The following NHSL2 variants were observed in gnomAD, a reference collection of about 807,000 sequenced individuals.
NHSL2 encodes the protein NHS like 2, also known as NHS-like protein 2.
NHSL2 carries 27 observed loss-of-function variants against 53.4 expected under a neutral mutation model. The ratio of observed to expected loss-of-function variants is 0.51; its 90% CI spans 0.37 to 0.70. NHSL2 has a LOEUF of 0.70. Ranked by LOEUF, NHSL2 falls within the 30% of genes least tolerant of loss-of-function variation. The probability of loss-of-function intolerance (pLI) is 0.00; values close to 1 mark genes in which losing one functional copy is unlikely to be tolerated. For missense variants in NHSL2, 892 were observed against 980.1 expected (o/e 0.91, Z 1.20); for synonymous variants, 408 against 404.1 (o/e 1.01, Z -0.12).
rs5991871 is a variant in NHSL2, at chrX:71,920,314, A to G, written c.280+8947A>G. On this transcript the variant is annotated intron_variant, in intron 1 of 7. Transcript: ENST00000633930. ...CTCTGACTGCCAATCTAAAGCACCTAGAGAGTTTTTTTAAATTGTTAATGT... is the reference window on the plus strand; with the variant it reads ...CTCTGACTGCCAATCTAAAGCACCTGGAGAGTTTTTTTAAATTGTTAATGT... 3.1e-3 allele frequency among the ~76,000 whole-genome samples: 347 copies of G among 112,134 alleles called. 2 individuals carry two copies. The highest frequency in any genetic ancestry group is 4.6e-3 in the Middle Eastern group (1 of 218).
intron 1 of NHSL2, among the ~76,000 whole-genome samples, chrX:72,105,604 A>G (rs1304337885): frequency 9.0e-6 from 1 of 110,911 alleles, no homozygotes; most frequent in East Asian, 2.8e-4. Context: ...ATCAGCCACC[A>G]TGGAAACAGT....
intron 1 of NHSL2, among the ~76,000 whole-genome samples, chrX:71,940,164 C>T (rs943815257): frequency 5.4e-5 from 6 of 112,034 alleles, no homozygotes; most frequent in African/African-American, 1.6e-4. Flanking sequence ...GGAGAGAACA[C>T]AGCATCATAG....
Position 71,923,588 on chromosome X carries a change from T to C in NHSL2, c.280+12221T>C, listed in dbSNP as rs1341452707. 9.8e-5 allele frequency among the ~76,000 whole-genome samples: 11 copies of C among 112,079 alleles called. No homozygotes were observed. In the Admixed American group the frequency reaches 1.0e-3, roughly 11 times the overall value. On this transcript the variant is annotated intron_variant, in intron 1 of 7. Transcript: ENST00000633930. ...GTCAGTGATATACCCTGTTCTTGGA[T>C]AATTTATAGGACAGCCCCTCTAAAT...
intron 1 of NHSL2, among the ~76,000 whole-genome samples, chrX:72,035,582 A>G (rs1271852713): frequency 9.0e-6 from 1 of 111,198 alleles, no homozygotes; most frequent in Non-Finnish European, 1.9e-5. Flanking sequence ...TGAAGTGCAG[A>G]AACTTTATCT....
Position 71,964,039 on chromosome X carries a change from A to G in NHSL2, c.280+52672A>G, listed in dbSNP as rs1413383193. Among the ~76,000 whole-genome samples, 32 of 37,422 alleles carry G rather than the reference A, an allele frequency of 8.6e-4. 1 individual carries two copies. The highest frequency in any genetic ancestry group is 2.2e-3 in the South Asian group (2 of 890). The allele number at this position is 37,422 out of a possible 115,157, so 32.5% of individuals were successfully genotyped here. On this transcript the variant is annotated intron_variant, in intron 1 of 7. Coordinates refer to ENST00000633930, the MANE Select transcript of NHSL2 (RefSeq NM_001013627.3). ...TATATATATATGTGTATATATATAT[A>G]TATGTATATATATATATGTGTATAT...
At chrX:72,069,517 A>G in intron 1 of NHSL2, 1 of 315,403 alleles carries the variant, frequency 3.2e-6, no homozygotes, top group East Asian at 4.8e-5. Context: ...CCAGGGGCAC[A>G]AGTGGGATTT....
chrX:72,085,812 GCTCCCTA>G (rs1187032160), intron 1 of NHSL2, among the ~76,000 whole-genome samples: 1 of 106,741 alleles, frequency 9.4e-6, no homozygotes, highest in Non-Finnish European at 1.9e-5. Context: ...CAGTGCAGCT[GCTCCCTA>G]CTCCCTCCCT....
At chrX:71,995,435 A>T (rs1296138819) in intron 1 of NHSL2, among the ~76,000 whole-genome samples, 28 of 26,485 alleles carry the variant, frequency 1.1e-3, no homozygotes, top group African/African-American at 1.3e-3. Context: ...TGCATACTCT[A>T]TCTGACCCCC....
Position 71,978,756 on chromosome X carries a change from GTTT to G in NHSL2, c.280+67404_280+67406del, listed in dbSNP as rs56017757. ...CATTTTACTACAGAAACTTGTCAAG[GTTT>G]TTTTTTTTTTTTTTAATTATACTGT... is the stretch of plus-strand genomic sequence containing the variant. On this transcript the variant is annotated intron_variant, in intron 1 of 7. Coordinates refer to ENST00000633930, the MANE Select transcript of NHSL2 (RefSeq NM_001013627.3). 1.7e-4 allele frequency among the ~76,000 whole-genome samples: 14 copies of G among 83,617 alleles called. No individual in the cohort carries two copies. The South Asian group carries it at 6.6e-3, about 40-fold the overall frequency. 72.6% of individuals were successfully genotyped at this position (83,617 alleles called of 115,157 possible). A position where few individuals can be genotyped will look rare whatever the true frequency, so the allele number is the denominator to read the frequency against.
intron 1 of NHSL2, among the ~76,000 whole-genome samples, chrX:72,097,302 G>T (rs769494401): frequency 1.8e-5 from 2 of 111,834 alleles, no homozygotes; most frequent in East Asian, 2.8e-4. Flanking sequence ...ATGCTTTACA[G>T]CTTCCAGGGG....
rs940838002 is a variant in NHSL2, at chrX:72,150,605, G to A, written c.*7031G>A. ...AATTCCCTAATCAGTACTAAGCTCC[G>A]CATGCAGTCTCTTTTCCAGAACATT... On this transcript the variant is annotated 3_prime_UTR_variant, in exon 8 of 8. Transcript: ENST00000633930. 1 of 112,106 alleles carries A rather than the reference G, an allele frequency of 8.9e-6. No individual in the cohort carries two copies. Among genetic ancestry groups the A allele is most frequent in the African/African-American group, 3.2e-5 (1 of 30,857 alleles). 9.2% of individuals were successfully genotyped at this position (112,106 alleles called of 1,213,427 possible).
intron 1 of NHSL2, chrX:71,965,911 A>G (rs1422928002): frequency 8.9e-6 from 1 of 112,723 alleles, no homozygotes; most frequent in Non-Finnish European, 1.9e-5. Flanking sequence ...GATGTATGAC[A>G]TACAAAAAGC....
chrX:72,149,140 A>G lies in NHSL2; in HGVS notation c.*5566A>G, dbSNP rs1225380947. ...AAGAACTTATCATATTGGATCAACA[A>G]ATTGCTCAACCTGCAAAATCTTTGA... On this transcript the variant is annotated 3_prime_UTR_variant, in exon 8 of 8. Transcript: ENST00000633930. The G allele has an allele frequency of 9.1e-6, 1 of 110,270 alleles. No individual in the cohort carries two copies. The highest frequency in any genetic ancestry group is 1.9e-5 in the Non-Finnish European group (1 of 52,815). 9.1% of individuals were successfully genotyped at this position (110,270 alleles called of 1,213,427 possible). A position where few individuals can be genotyped will look rare whatever the true frequency, so the allele number is the denominator to read the frequency against.
Position 72,146,012 on chromosome X carries a change from C to A in NHSL2, c.*2438C>A, listed in dbSNP as rs141322080. 6.1e-3 allele frequency: 683 copies of A among 112,543 alleles called. 2 individuals carry two copies. The highest frequency in any genetic ancestry group is 0.021 in the African/African-American group (637 of 31,044). 9.3% of individuals were successfully genotyped at this position (112,543 alleles called of 1,213,427 possible). On this transcript the variant is annotated 3_prime_UTR_variant, in exon 8 of 8. Transcript: ENST00000633930. ...CCCATTAGCACAAGAGGATTTGGGG[C>A]AGAAATCATATGGTCAGAGAGAACA...
chrX:71,981,931 C>T (rs2041981266), intron 1 of NHSL2, among the ~76,000 whole-genome samples: 1 of 112,026 alleles, frequency 8.9e-6, no homozygotes, highest in Non-Finnish European at 1.9e-5. Flanking sequence ...AAAGGTTAAA[C>T]ATATGACCCA....
At chrX:72,140,901 G>A (rs1569484550) in intron 6 of NHSL2, 130 bp downstream of exon 6, 1 of 557,917 alleles carries the variant, frequency 1.8e-6, no homozygotes, top group East Asian at 3.7e-5. Context: ...GGCACCCTTT[G>A]AGGGTTTGAG....
At chrX:72,058,879 A>C (rs2042384113) in intron 1 of NHSL2, among the ~76,000 whole-genome samples, 1 of 112,194 alleles carries the variant, frequency 8.9e-6, no homozygotes, top group Admixed American at 9.4e-5. Flanking sequence ...CTGCACAGGA[A>C]GGCTGCCATT....
At position 72,138,857 on chromosome X, in the gene NHSL2, G is replaced by A; in HGVS notation, c.1309G>A (p.Glu437Lys). The A allele has an allele frequency of 1.7e-6, 2 of 1,210,625 alleles. No homozygotes were observed. The highest frequency in any genetic ancestry group is 3.5e-5 in the South Asian group (2 of 56,819). ...LNKVPPLVPK[E>K]AATLLVARDN... ...CAAAGTCCCACCTCTGGTTCCTAAGGAGGCTGCTACCCTCCTTGTCGCTCG... is the reference window on the plus strand; with the variant it reads ...CAAAGTCCCACCTCTGGTTCCTAAGAAGGCTGCTACCCTCCTTGTCGCTCG... The change falls in exon 6 of 8, where the codon GAG (glutamate) becomes AAG (lysine). Residue 437 changes from glutamate to lysine, a missense_variant. Physicochemically the swap from Glu to Lys is moderately conservative, Grantham distance 56 (BLOSUM62 1). Transcript: ENST00000633930.
At chrX:72,035,641 T>A (rs995736688) in intron 1 of NHSL2, among the ~76,000 whole-genome samples, 1 of 112,161 alleles carries the variant, frequency 8.9e-6, no homozygotes, top group Non-Finnish European at 1.9e-5. Flanking sequence ...CTTAAATATT[T>A]CCTCTACATA....
Sources: gnomAD v4.1 joint callset for allele counts (sites outside exome capture counted in the v4.1 genomes callset) on GRCh38, gnomAD v4.1.1 for gene constraint, MANE v1.5 for transcripts, NCBI Gene and HGNC (gene_info 2026-07-23, HGNC 2026-07-21) for gene names.